Variants in DSCAM observed in about 807,000 individuals in gnomAD.
DSCAM encodes the protein DS cell adhesion molecule, also known as cell adhesion molecule DSCAM.
DSCAM carries 47 observed loss-of-function variants against 217.7 expected under a neutral mutation model. The observed-to-expected ratio is 0.22, with a 90% CI of 0.17 to 0.28. DSCAM has a LOEUF of 0.28. DSCAM is among the 10% of genes least tolerant of loss of function. The pLI, the probability that DSCAM is intolerant of heterozygous loss-of-function variation, is 1.00. For synonymous variants in DSCAM, 1,056 were observed against 1,015.3 expected (o/e 1.04, Z -0.76); for missense variants, 2,080 against 2,618.3 (o/e 0.79, Z 4.49).
intron 2 of DSCAM, among the ~76,000 whole-genome samples, chr21:40,700,422 A>G (rs2090642922): frequency 1.3e-5 from 2 of 152,198 alleles, no homozygotes; most frequent in African/African-American, 4.8e-5. Context: ...GTTGGGTTTC[A>G]TCAATGTTTT....
At chr21:40,812,833 A>G (rs11911718) in intron 1 of DSCAM, among the ~76,000 whole-genome samples, 29,302 of 152,154 alleles carry the variant, frequency 0.19, 3,178 homozygotes, top group South Asian at 0.32. Flanking sequence ...AAAATAAAAG[A>G]AGGAGGGAGA....
chr21:40,512,290 C>A (rs1026047903), intron 3 of DSCAM, among the ~76,000 whole-genome samples: 1 of 152,138 alleles, frequency 6.6e-6, no homozygotes, highest in Non-Finnish European at 1.5e-5. Context: ...TCCACAAACA[C>A]TGACTTCACA....
intron 3 of DSCAM, among the ~76,000 whole-genome samples, chr21:40,674,869 C>T (rs953665087): frequency 6.6e-6 from 1 of 151,980 alleles, no homozygotes; most frequent in African/African-American, 2.4e-5. Context: ...CTGATCCACC[C>T]GCCTTGGCTT....
chr21:40,118,581 G>A (rs747745617), intron 20 of DSCAM, among the ~76,000 whole-genome samples: 11 of 152,130 alleles, frequency 7.2e-5, no homozygotes, highest in Non-Finnish European at 1.6e-4. Context: ...GTGAAACTCC[G>A]TCTCAAAACA....
chr21:40,348,654 G>A (rs1601574698), intron 5 of DSCAM, among the ~76,000 whole-genome samples: 1 of 152,144 alleles, frequency 6.6e-6, no homozygotes, highest in African/African-American at 2.4e-5. Context: ...GTTCCTATCA[G>A]CCACATTTTT....
At chr21:40,252,083 G>C (rs929067367) in intron 11 of DSCAM, among the ~76,000 whole-genome samples, 2 of 152,186 alleles carry the variant, frequency 1.3e-5, no homozygotes, top group African/African-American at 2.4e-5. Context: ...TTGCAGCCTT[G>C]AGGAAGACAT....
intron 15 of DSCAM, among the ~76,000 whole-genome samples, chr21:40,170,880 C>T (rs188875274): frequency 5.6e-4 from 85 of 152,304 alleles, no homozygotes; most frequent in Middle Eastern, 3.4e-3. Context: ...CTCCCTGGGG[C>T]ATGGCCTTTG....
At chr21:40,700,322 T>C (rs1280880732) in intron 2 of DSCAM, among the ~76,000 whole-genome samples, 1 of 152,236 alleles carries the variant, frequency 6.6e-6, no homozygotes, top group Non-Finnish European at 1.5e-5. Flanking sequence ...ATGTTCGCTA[T>C]AGCAGGATTT....
chr21:40,735,697 T>C (rs954787353), intron 1 of DSCAM, among the ~76,000 whole-genome samples: 9 of 152,166 alleles, frequency 5.9e-5, no homozygotes, highest in African/African-American at 1.9e-4. Flanking sequence ...GTATGAAAGA[T>C]CACAAAGGCC....
chr21:40,620,623 A>G (rs547920430), intron 3 of DSCAM, among the ~76,000 whole-genome samples: 5 of 152,350 alleles, frequency 3.3e-5, no homozygotes, highest in African/African-American at 1.2e-4. Flanking sequence ...AGGCAATACC[A>G]AATGATGGTG....
intron 3 of DSCAM, among the ~76,000 whole-genome samples, chr21:40,397,416 C>T (rs576002928): frequency 6.6e-6 from 1 of 152,238 alleles, no homozygotes; most frequent in South Asian, 2.1e-4. Context: ...CTCCTGCTTT[C>T]ACCGTGTGAC....
intron 10 of DSCAM, among the ~76,000 whole-genome samples, chr21:40,295,555 C>G (rs772081317): frequency 1.3e-5 from 2 of 151,996 alleles, no homozygotes; most frequent in Non-Finnish European, 2.9e-5. Flanking sequence ...AAAAAGAGCA[C>G]GCCAAGGAGA....
intron 32 of DSCAM, among the ~76,000 whole-genome samples, chr21:40,037,517 G>C (rs981941114): frequency 6.8e-6 from 1 of 146,266 alleles, no homozygotes; most frequent in African/African-American, 2.7e-5. Flanking sequence ...AAATAAAAGA[G>C]GATACAAACA....
rs759558023 is a variant in DSCAM, at chr21:40,013,086, C to T, written c.5987G>A (p.Arg1996Gln). 3.2e-6 allele frequency: 5 copies of T among 1,579,596 alleles called. No individual in the cohort carries two copies. Among genetic ancestry groups the T allele is most frequent in the Non-Finnish European group, 4.3e-6 (5 of 1,160,200 alleles). Residue 1996 changes from arginine (R) to glutamine (Q), a missense_variant, in exon 33 of 33, where the codon CGG becomes CAG. Physicochemically the swap from Arg to Gln is conservative, Grantham distance 43. This residue lies in a region of DSCAM where 145 missense variants were observed against 138.5 expected (regional missense o/e 1.05). Transcript: ENST00000400454. Reference protein sequence around the residue: ...SSSQESLLDSRGHLKGNNPYA... With the variant: ...SSSQESLLDSQGHLKGNNPYA... ...AGGATTGTTTCCTTTCAAATGGCCC[C>T]GGGAGTCGAGCAGTGATTCTTGGGA...
At chr21:40,578,673 C>A (rs1406589456) in intron 3 of DSCAM, among the ~76,000 whole-genome samples, 2 of 152,128 alleles carry the variant, frequency 1.3e-5, no homozygotes, top group Non-Finnish European at 2.9e-5. Flanking sequence ...CTTTTTGGGT[C>A]CACACTACCT....
At chr21:40,216,390 A>C (rs1303186002) in intron 11 of DSCAM, among the ~76,000 whole-genome samples, 2 of 152,096 alleles carry the variant, frequency 1.3e-5, no homozygotes, top group East Asian at 3.8e-4. Flanking sequence ...CTGGGATTTC[A>C]GGCATGAACA....
At chr21:40,771,349 A>AT (rs1275157095) in intron 1 of DSCAM, among the ~76,000 whole-genome samples, 1 of 152,196 alleles carries the variant, frequency 6.6e-6, no homozygotes, top group African/African-American at 2.4e-5. Context: ...ATTGAAACGG[A>AT]TGGAGGAGGG....
intron 1 of DSCAM, among the ~76,000 whole-genome samples, chr21:40,805,657 C>G (rs1401479037): frequency 2.0e-5 from 3 of 151,864 alleles, no homozygotes; most frequent in East Asian, 1.9e-4. Flanking sequence ...TCCTGACACT[C>G]AGCCCATACC....
intron 3 of DSCAM, among the ~76,000 whole-genome samples, chr21:40,534,647 A>T (rs2076481280): frequency 6.6e-6 from 1 of 152,224 alleles, no homozygotes; most frequent in Non-Finnish European, 1.5e-5. Context: ...TCTGCCTTGA[A>T]AAACATTCTT....
Sources: gnomAD v4.1 joint callset for allele counts (sites outside exome capture counted in the v4.1 genomes callset) on GRCh38, gnomAD v4.1.1 for gene constraint, gnomAD v4.1.1 regional missense constraint, MANE v1.5 for transcripts, NCBI Gene and HGNC (gene_info 2026-07-23, HGNC 2026-07-21) for gene names.